Variants in RHOG observed in about 807,000 individuals in gnomAD.
The protein encoded by RHOG is ras homolog family member G.
RHOG carries 1 observed loss-of-function variant against 12.3 expected under a neutral mutation model. That is an observed-to-expected ratio of 0.08 (90% CI 0.03 to 0.39). The LOEUF (loss-of-function observed/expected upper bound fraction) is 0.39, where lower values mean the gene tolerates loss of function less well. Ranked by LOEUF, RHOG falls within the 10% of genes least tolerant of loss-of-function variation. The pLI is 0.99. For synonymous variants in RHOG, 129 were observed against 116.0 expected, an observed-to-expected ratio of 1.11 and a Z score of -0.72; for missense variants, 114 against 266.2, an observed-to-expected ratio of 0.43 and a Z score of 3.98.
rs766923498 is a variant in RHOG at position 3,827,660 on chromosome 11, A to C, written c.479T>G (p.Leu160Arg). 1 of 1,613,968 alleles carries C rather than the reference A, an allele frequency of 6.2e-7. No individual in the cohort carries two copies. Among genetic ancestry groups the C allele is most frequent in the South Asian group, 1.1e-5 (1 of 91,084 alleles). The change falls in exon 2 of 2, where the codon CTG (leucine) becomes CGG (arginine). Residue 160 changes from leucine (L) to arginine (R), a missense_variant. This residue lies in a region of RHOG where 61 missense variants were observed against 101.4 expected (regional missense o/e 0.60). Transcript: ENST00000351018. The surrounding 1 kb of genome is among the most constrained non-coding windows in gnomAD (Gnocchi z 7.3). ...HAVRYLECSA[L>R]QQDGVKEVFA... ...CACTTCCTTGACACCATCCTGTTGC[A>C]GGGCTGAGCATTCGAGGTAGCGCAC... is the stretch of plus-strand genomic sequence containing the variant.
intron 1 of RHOG, among the ~76,000 whole-genome samples, chr11:3,834,882 C>T (rs185881410): frequency 4.9e-4 from 75 of 152,318 alleles, no homozygotes; most frequent in African/African-American, 1.8e-3. Context: ...GGCTCCCTTT[C>T]TGCAGCCCTC....
At position 3,834,890 on chromosome 11, in the gene RHOG, C is replaced by G. The variant is rs140737760; in HGVS notation, c.-69+6004G>C. On this transcript the variant is annotated intron_variant, in intron 1 of 1. Transcript: ENST00000351018. Reference sequence around the variant, plus strand: ...AACATGGGGCTCCCTTTCTGCAGCCCTCCCTGAACCTCATTATAACTACAA... The same window carrying G: ...AACATGGGGCTCCCTTTCTGCAGCCGTCCCTGAACCTCATTATAACTACAA... 6.6e-3 allele frequency among the ~76,000 whole-genome samples: 1,007 copies of G among 152,284 alleles called. 9 individuals carry two copies. Among genetic ancestry groups the G allele is most frequent in the East Asian group, 0.011 (55 of 5,170 alleles).
At chr11:3,838,706 T>C (rs574385626) in intron 1 of RHOG, among the ~76,000 whole-genome samples, 71 of 152,202 alleles carry the variant, frequency 4.7e-4, no homozygotes, top group Non-Finnish European at 8.1e-4. Context: ...CTGTAGCACT[T>C]ACTCCCCTCT....
intron 1 of RHOG, among the ~76,000 whole-genome samples, chr11:3,840,412 T>C (rs1489117100): frequency 1.3e-5 from 2 of 152,140 alleles, no homozygotes; most frequent in Middle Eastern, 3.4e-3. Flanking sequence ...AGCATCCATC[T>C]GACAGGGAGA....
Position 3,827,777 on chromosome 11 carries a change from G to A in RHOG, c.362C>T (p.Ala121Val), listed in dbSNP as rs550604403. ...GAGGCGCCGTAGGGTGTCAGGCTGG[G>A]CTCTCAGGTCCTTCTTGGTGCCCAC... The part of the protein sequence containing the change: ...LLVGTKKDLR[A>V]QPDTLRRLKE... The change falls in exon 2 of 2, where the codon GCC becomes GTC. Residue 121 changes from alanine to valine, a missense_variant. This residue lies in a region of RHOG where 61 missense variants were observed against 101.4 expected (regional missense o/e 0.60). Transcript: ENST00000351018. The surrounding 1 kb of genome is among the most constrained non-coding windows in gnomAD (Gnocchi z 7.3). The A allele has an allele frequency of 6.2e-7, 1 of 1,613,824 alleles. No individual in the cohort carries two copies.
intron 1 of RHOG, among the ~76,000 whole-genome samples, chr11:3,839,548 C>T (rs1354132590): frequency 6.7e-6 from 1 of 149,428 alleles, no homozygotes; most frequent in East Asian, 1.9e-4. Context: ...TTTAATCCAT[C>T]TCTAAGAGAT....
intron 1 of RHOG, among the ~76,000 whole-genome samples, chr11:3,833,637 T>G (rs779013830): frequency 4.6e-5 from 7 of 152,210 alleles, no homozygotes; most frequent in African/African-American, 7.2e-5. Context: ...TTCAATTTCC[T>G]TATCTTTCAA....
chr11:3,828,821 C>A (rs11029969), intron 1 of RHOG, among the ~76,000 whole-genome samples: 1 of 151,460 alleles, frequency 6.6e-6, no homozygotes, highest in South Asian at 2.1e-4. Context: ...GGGGTTTCAC[C>A]GTGTTGGCCA....
chr11:3,829,791 G>T (rs1280064642), intron 1 of RHOG, among the ~76,000 whole-genome samples: 1 of 151,948 alleles, frequency 6.6e-6, no homozygotes, highest in Non-Finnish European at 1.5e-5. Flanking sequence ...CTGTCGCCCA[G>T]GCTGGAGTGT....
intron 1 of RHOG, among the ~76,000 whole-genome samples, chr11:3,838,969 G>T (rs967045969): frequency 2.6e-5 from 4 of 152,174 alleles, no homozygotes; most frequent in African/African-American, 7.2e-5. Context: ...GGGCTTCCTG[G>T]TCACTAAGGC....
intron 1 of RHOG, among the ~76,000 whole-genome samples, chr11:3,831,413 AGTGTGT>A (rs57646737): frequency 6.6e-6 from 1 of 151,490 alleles, no homozygotes; most frequent in Admixed American, 6.6e-5. Flanking sequence ...AATGAGAGAG[AGTGTGT>A]GTGTGTGTTT....
intron 1 of RHOG, chr11:3,840,536 A>ACCCCCC (rs34666281): frequency 7.4e-6 from 1 of 135,106 alleles, no homozygotes; most frequent in East Asian, 2.5e-4. Flanking sequence ...ACTTCTCAAC[A>ACCCCCC]CCCCCCCCAC....
At chr11:3,836,995 G>A (rs937727621) in intron 1 of RHOG, among the ~76,000 whole-genome samples, 2 of 138,340 alleles carry the variant, frequency 1.4e-5, no homozygotes, top group African/African-American at 2.7e-5. Context: ...CCTCCCCCAC[G>A]CAGCACAGAG....
At chr11:3,832,128 CTTGAGT>C in intron 1 of RHOG, among the ~76,000 whole-genome samples, 1 of 152,214 alleles carries the variant, frequency 6.6e-6, no homozygotes, top group Non-Finnish European at 1.5e-5. Flanking sequence ...ACTCTGATGT[CTTGAGT>C]TTATCTGCCG....
chr11:3,827,704 C>T lies in RHOG; in HGVS notation c.435G>A (p.Leu145=), dbSNP rs1365718707. 3.1e-6 allele frequency: 5 copies of T among 1,614,000 alleles called. No homozygotes were observed. In the Admixed American group the frequency reaches 8.3e-5, roughly 27 times the overall value. ...APITPQQGQA[L]AKQIHAVRYL... is the part of the protein sequence containing the mutation. ...AGCGCACAGCGTGGATCTGCTTGGC[C>T]AGTGCCTGGCCCTGCTGCGGTGTGA... The change falls in exon 2 of 2, where the codon CTG becomes CTA. Residue 145 remains leucine, a synonymous_variant. Coordinates refer to ENST00000351018, the MANE Select transcript of RHOG (RefSeq NM_001665.4). The surrounding 1 kb of genome is among the most constrained non-coding windows in gnomAD (Gnocchi z 7.3).
At chr11:3,832,848 T>C (rs1209439306) in intron 1 of RHOG, among the ~76,000 whole-genome samples, 1 of 152,188 alleles carries the variant, frequency 6.6e-6, no homozygotes, top group Non-Finnish European at 1.5e-5. Flanking sequence ...GTGACCTATC[T>C]GGAGCGGGGT....
intron 1 of RHOG, among the ~76,000 whole-genome samples, chr11:3,836,677 T>G (rs1268130869): frequency 6.6e-6 from 1 of 151,214 alleles, no homozygotes; most frequent in African/African-American, 2.4e-5. Context: ...GGCTGGCAGA[T>G]CACTTGAGGT....
intron 1 of RHOG, among the ~76,000 whole-genome samples, chr11:3,829,786 G>A (rs938663862): frequency 6.6e-6 from 1 of 151,840 alleles, no homozygotes; most frequent in Non-Finnish European, 1.5e-5. Flanking sequence ...TTGCTCTGTC[G>A]CCCAGGCTGG....
chr11:3,828,565 G>T (rs1047668636), intron 1 of RHOG, among the ~76,000 whole-genome samples: 1 of 151,324 alleles, frequency 6.6e-6, no homozygotes, highest in Non-Finnish European at 1.5e-5. Context: ...GTCATTGTGA[G>T]CATTATATAA....
Sources: gnomAD v4.1 joint callset for allele counts (sites outside exome capture counted in the v4.1 genomes callset) on GRCh38, gnomAD v4.1.1 for gene constraint, gnomAD v4.1.1 regional missense constraint, Gnocchi (gnomAD v3.1) non-coding constraint, MANE v1.5 for transcripts, NCBI Gene and HGNC (gene_info 2026-07-23, HGNC 2026-07-21) for gene names.